Variants in WDR27 observed in about 807,000 individuals in gnomAD.
WDR27 encodes WD repeat domain 27, also known as WD repeat-containing protein 27.
Under a neutral mutation model 114.4 loss-of-function variants are expected in WDR27, and 100 were observed. The observed-to-expected ratio is 0.87, with a 90% confidence interval of 0.74 to 1.03. The LOEUF is 1.03. Ranked by LOEUF, WDR27 falls within the 50% of genes least tolerant of loss-of-function variation. The pLI, the probability that WDR27 is intolerant of heterozygous loss-of-function variation, is 0.00. For synonymous variants in WDR27, 449 were observed against 423.1 expected (o/e 1.06, Z -0.75); for missense variants, 1,129 against 1,092.9 (o/e 1.03, Z -0.47).
At chr6:169,441,267 G>A in the WDR27 span, among the ~76,000 whole-genome samples, 26 of 152,164 alleles carry the variant, frequency 1.7e-4, no homozygotes, top group South Asian at 5.4e-3. Flanking sequence ...GGGGACCAGA[G>A]ACCACCAAGA....
intron 25 of WDR27, among the ~76,000 whole-genome samples, chr6:169,557,891 T>C (rs372757201): frequency 6.6e-6 from 1 of 152,212 alleles, no homozygotes; most frequent in Admixed American, 6.5e-5. Flanking sequence ...TTTTCTATAC[T>C]GTACACTGTT....
chr6:169,604,133 G>T (rs1226330865), intron 22 of WDR27, among the ~76,000 whole-genome samples: 1 of 151,984 alleles, frequency 6.6e-6, no homozygotes, highest in Non-Finnish European at 1.5e-5. Context: ...ATGAAATAGA[G>T]ACCAACAAAA....
the WDR27 span, among the ~76,000 whole-genome samples, chr6:169,447,667 G>A: frequency 3.9e-5 from 6 of 152,254 alleles, no homozygotes; most frequent in East Asian, 1.9e-4. Context: ...AGGGTGGGTG[G>A]ACCGACACAG....
At chr6:169,459,871 C>G (rs933236429) in intron 25 of WDR27, among the ~76,000 whole-genome samples, 3 of 152,038 alleles carry the variant, frequency 2.0e-5, no homozygotes, top group Non-Finnish European at 2.9e-5. Context: ...AGTTGCCCTT[C>G]AAAAGTAAGG....
At chr6:169,665,645 C>A in intron 6 of WDR27, 89 bp from the exon 7 acceptor site, 1 of 1,196,172 alleles carries the variant, frequency 8.4e-7, no homozygotes, top group Non-Finnish European at 1.2e-6. Flanking sequence ...TCTCTTTACA[C>A]GTAATATTTA....
the WDR27 span, among the ~76,000 whole-genome samples, chr6:169,449,788 G>C: frequency 6.6e-6 from 1 of 152,174 alleles, no homozygotes; most frequent in Admixed American, 6.5e-5. Context: ...CGAATGCAGG[G>C]AACACAGTCA....
chr6:169,606,819 G>A lies in WDR27; in HGVS notation c.2322-4498C>T, dbSNP rs187365941. 1.2e-3 allele frequency among the ~76,000 whole-genome samples: 183 copies of A among 152,236 alleles called. 2 individuals carry two copies. The highest frequency in any genetic ancestry group is 2.2e-4 in the Non-Finnish European group (15 of 68,016). On this transcript the variant is annotated intron_variant, in intron 22 of 25. Coordinates refer to ENST00000448612, the MANE Select transcript of WDR27 (RefSeq NM_182552.5). ...AATAGAATGATTTATATTCCTTTGG[G>A]TATATACCCAGTAATGGGATTGCTG...
At chr6:169,667,845 G>A (rs1019418132) in intron 5 of WDR27, 137 bp downstream of exon 5, 18 of 822,334 alleles carry the variant, frequency 2.2e-5, no homozygotes, top group Middle Eastern at 3.7e-4. Flanking sequence ...TCAGGATAGC[G>A]GGCGCCTTGC....
At chr6:169,615,437 C>T (rs1191789855) in intron 21 of WDR27, among the ~76,000 whole-genome samples, 1 of 152,066 alleles carries the variant, frequency 6.6e-6, no homozygotes, top group Admixed American at 6.6e-5. Flanking sequence ...TTCATGAGTT[C>T]TCATCATGTA....
chr6:169,528,770 G>T (rs759324160), intron 25 of WDR27, among the ~76,000 whole-genome samples: 1 of 152,128 alleles, frequency 6.6e-6, no homozygotes, highest in Non-Finnish European at 1.5e-5. Flanking sequence ...CAAGTGATCC[G>T]CCCGCTTCAG....
At chr6:169,696,706 A>G (rs1207500253) in intron 1 of WDR27, among the ~76,000 whole-genome samples, 1 of 152,154 alleles carries the variant, frequency 6.6e-6, no homozygotes, top group African/African-American at 2.4e-5. Flanking sequence ...CGAGGTCAGG[A>G]GTTCAAGAAC....
chr6:169,555,436 C>T (rs1798739243), intron 25 of WDR27, among the ~76,000 whole-genome samples: 1 of 152,128 alleles, frequency 6.6e-6, no homozygotes, highest in Non-Finnish European at 1.5e-5. Flanking sequence ...GAAAGGTAGA[C>T]TTGGCAGCAC....
At chr6:169,485,100 C>A (rs1788708260) in intron 25 of WDR27, among the ~76,000 whole-genome samples, 1 of 152,138 alleles carries the variant, frequency 6.6e-6, no homozygotes, top group Admixed American at 6.5e-5. Flanking sequence ...CTATTCTGGA[C>A]ATAAGAACAG....
intron 13 of WDR27, among the ~76,000 whole-genome samples, chr6:169,653,897 C>T (rs977653569): frequency 5.3e-5 from 8 of 152,186 alleles, no homozygotes; most frequent in Admixed American, 1.3e-4. Flanking sequence ...AAGCCTGTGC[C>T]GTGATGGTCT....
chr6:169,457,862 T>A (rs1444126762), intron 25 of WDR27, among the ~76,000 whole-genome samples: 1 of 152,094 alleles, frequency 6.6e-6, no homozygotes, highest in Non-Finnish European at 1.5e-5. Flanking sequence ...GGTGCCCTGG[T>A]CAGAGCCGAT....
intron 1 of WDR27, among the ~76,000 whole-genome samples, chr6:169,699,773 G>A (rs1174470007): frequency 6.6e-6 from 1 of 152,114 alleles, no homozygotes; most frequent in Non-Finnish European, 1.5e-5. Flanking sequence ...CTTGAGCCCA[G>A]GAGTTCAAGA....
At chr6:169,667,417 T>A in intron 5 of WDR27, 1 of 1,226,428 alleles carries the variant, frequency 8.2e-7, no homozygotes, top group Admixed American at 4.4e-5. Flanking sequence ...CTGGTGGATT[T>A]GAAGAATTGG....
chr6:169,513,971 C>T (rs184762136), intron 25 of WDR27, among the ~76,000 whole-genome samples: 13 of 152,242 alleles, frequency 8.5e-5, no homozygotes, highest in Middle Eastern at 3.4e-3. Flanking sequence ...GGCTTTAGCT[C>T]TTATCTCAGA....
intron 25 of WDR27, among the ~76,000 whole-genome samples, chr6:169,515,482 T>C (rs1793525266): frequency 6.6e-6 from 1 of 152,220 alleles, no homozygotes; most frequent in African/African-American, 2.4e-5. Flanking sequence ...TATTGGGTTA[T>C]GCATGTCTGT....
Sources: gnomAD v4.1 joint callset for allele counts (sites outside exome capture counted in the v4.1 genomes callset) on GRCh38, gnomAD v4.1.1 for gene constraint, MANE v1.5 for transcripts, NCBI Gene and HGNC (gene_info 2026-07-23, HGNC 2026-07-21) for gene names.